The following DNAI7 variants were observed in gnomAD, a reference collection of about 807,000 sequenced individuals.
DNAI7 encodes the protein cancer susceptibility 1.
DNAI7 carries 78 observed loss-of-function variants against 86.6 expected under a neutral mutation model. The observed-to-expected ratio is 0.90, with a 90% CI of 0.75 to 1.09. The LOEUF (loss-of-function observed/expected upper bound fraction) is 1.09. Among genes scored for constraint, DNAI7 ranks in the 50% least tolerant of loss-of-function variants. The pLI is 0.00. For missense variants in DNAI7, 753 were observed against 810.2 expected, an observed-to-expected ratio of 0.93 and a Z score of 0.86; for synonymous variants, 274 against 273.0, an observed-to-expected ratio of 1.00 and a Z score of -0.04.
In DNAI7 at chr12:25,110,258, A is replaced by C. The variant is rs542071523; in HGVS notation, c.1780-18T>G. On this transcript the variant is annotated intron_variant, in intron 14 of 15. Coordinates refer to ENST00000395987, the MANE Select transcript of DNAI7 (RefSeq NM_018272.5). Reference sequence around the variant, plus strand: ...AAAGGAACCTGTCAATATAAAAACAAATAGAATTGATCTTTGAGCCTCCCA... The same window carrying C: ...AAAGGAACCTGTCAATATAAAAACACATAGAATTGATCTTTGAGCCTCCCA... 7.9e-6 allele frequency: 11 copies of C among 1,388,270 alleles called. No homozygotes were observed. The highest frequency in any genetic ancestry group is 1.4e-5 in the African/African-American group (1 of 70,354). 86.0% of individuals were successfully genotyped at this position (1,388,270 alleles called of 1,614,324 possible).
chr12:25,149,806 T>G, intron 6 of DNAI7, 32 bp from the exon 7 acceptor site: 1 of 1,330,690 alleles, frequency 7.5e-7, no homozygotes, highest in Non-Finnish European at 1.1e-6. Context: ...GCATTAATTC[T>G]CAGAGAAATA....
intron 4 of DNAI7, among the ~76,000 whole-genome samples, chr12:25,155,628 G>C (rs1946068507): frequency 6.6e-6 from 1 of 152,120 alleles, no homozygotes; most frequent in Non-Finnish European, 1.5e-5. Context: ...CTAAAACCTG[G>C]GATCTGTGAG....
chr12:25,116,736 C>T (rs563581341), intron 12 of DNAI7, among the ~76,000 whole-genome samples: 42 of 151,744 alleles, frequency 2.8e-4, no homozygotes, highest in African/African-American at 9.7e-4. Context: ...CTCAGGTGTT[C>T]CGCCTGCCTC....
At chr12:25,135,071 G>A (rs12828609) in intron 9 of DNAI7, among the ~76,000 whole-genome samples, 58,713 of 151,948 alleles carry the variant, frequency 0.39, 13,111 homozygotes, top group East Asian at 0.77. Flanking sequence ...GAACACACCA[G>A]GAAAACGGAA....
intron 4 of DNAI7, among the ~76,000 whole-genome samples, chr12:25,156,525 T>C (rs10842494): frequency 0.3 from 45,651 of 151,778 alleles, 7,485 homozygotes; most frequent in Non-Finnish European, 0.36. Flanking sequence ...GAGACAGAGG[T>C]GCATGGATCA....
Position 25,117,938 on chromosome 12 carries a change from C to CTTTT in DNAI7, c.1396+1203_1396+1206dup, listed in dbSNP as rs776942936. Among the ~76,000 whole-genome samples the CTTTT allele has an allele frequency of 1.5e-5, 2 of 135,036 alleles. 1 individual carries two copies. The allele number at this position is 135,036 out of a possible 152,430, so 88.6% of individuals were successfully genotyped here. Reference sequence around the variant, plus strand: ...TAAACTATTTTGATATTTTCTTTTTCTTTTTTTTTTTTTTTTTGAGACGGA... The same window carrying CTTTT: ...TAAACTATTTTGATATTTTCTTTTTCTTTTTTTTTTTTTTTTTTTTTGAGACGGA... On this transcript the variant is annotated intron_variant, in intron 12 of 15. Coordinates refer to ENST00000395987, the MANE Select transcript of DNAI7 (RefSeq NM_018272.5).
chr12:25,169,847 C>CAAAAAAAAA (rs1173396136), intron 2 of DNAI7, among the ~76,000 whole-genome samples: 6 of 66,678 alleles, frequency 9.0e-5, no homozygotes, highest in Admixed American at 1.7e-4. Flanking sequence ...GACTCTGTCT[C>CAAAAAAAAA]AAAAAAAAAA....
intron 8 of DNAI7, among the ~76,000 whole-genome samples, chr12:25,146,216 C>T (rs931426915): frequency 2.7e-5 from 4 of 147,768 alleles, no homozygotes; most frequent in Non-Finnish European, 5.9e-5. Flanking sequence ...GAGCCAAACT[C>T]TGTCTCAAAA....
chr12:25,134,839 T>C (rs1943354874), intron 9 of DNAI7, among the ~76,000 whole-genome samples: 1 of 152,236 alleles, frequency 6.6e-6, no homozygotes. Context: ...CCACTAGCTG[T>C]CTACACTAAT....
rs757236603 is a variant in DNAI7, at chr12:25,161,184, T to A, written c.35A>T (p.Lys12Ile). ...TCGTTCAGCTTTGGTGACTTTCTTT[T>A]TCTTACTGCCAGACTTAACAAAGGC... Reference protein sequence around the residue: ...GPKAKKSGSKKKKVTKAERLK... With the variant: ...GPKAKKSGSKIKKVTKAERLK... Residue 12 changes from lysine (K) to isoleucine (I), a missense_variant, in exon 3 of 16, where the codon AAA (lysine) becomes ATA (isoleucine). Physicochemically the swap from Lys to Ile is moderately radical, Grantham distance 102 (BLOSUM62 -3). Transcript: ENST00000395987. 1 of 1,613,908 alleles carries A rather than the reference T, an allele frequency of 6.2e-7. No homozygotes were observed. The highest frequency in any genetic ancestry group is 2.2e-5 in the East Asian group (1 of 44,828).
intron 2 of DNAI7, among the ~76,000 whole-genome samples, chr12:25,173,492 G>T (rs1442425641): frequency 6.6e-6 from 1 of 152,000 alleles, no homozygotes; most frequent in Non-Finnish European, 1.5e-5. Context: ...AAAACTTCCA[G>T]AAGGCAGGTG....
chr12:25,145,470 T>C (rs1243378964), intron 8 of DNAI7, among the ~76,000 whole-genome samples: 1 of 152,206 alleles, frequency 6.6e-6, no homozygotes, highest in African/African-American at 2.4e-5. Context: ...GAGCTATTCA[T>C]TTTATTTTTA....
At chr12:25,175,637 T>A (rs1948879420) in intron 2 of DNAI7, among the ~76,000 whole-genome samples, 1 of 142,542 alleles carries the variant, frequency 7.0e-6, no homozygotes, top group Admixed American at 6.9e-5. Context: ...CATGAGCCAC[T>A]GCGCCCGGCT....
chr12:25,154,416 GA>G lies in DNAI7; in HGVS notation c.340del (p.Ser114GlnfsTer2). 6.2e-7 allele frequency: 1 copy of G among 1,611,024 alleles called. No individual in the cohort carries two copies. The highest frequency in any genetic ancestry group is 2.2e-5 in the East Asian group (1 of 44,690). On this transcript the variant is annotated frameshift_variant, in exon 6 of 16. Coordinates refer to ENST00000395987, the MANE Select transcript of DNAI7 (RefSeq NM_018272.5). LOFTEE classifies it high-confidence loss of function. ...YIQCDGSPDP[S>X]VAQEMNTFIS... ...AAACGTGTTCATTTCTTGGGCTACT[GA>G]AGGATCAGGACTCCCATCACATTGA...
At chr12:25,133,237 T>C (rs1943145678) in intron 9 of DNAI7, among the ~76,000 whole-genome samples, 1 of 152,080 alleles carries the variant, frequency 6.6e-6, no homozygotes, top group Admixed American at 6.5e-5. Flanking sequence ...GCACCAATTG[T>C]TATATCAAAC....
At chr12:25,147,480 C>CCCCCG in intron 7 of DNAI7, among the ~76,000 whole-genome samples, 1 of 150,474 alleles carries the variant, frequency 6.6e-6, no homozygotes, top group Admixed American at 6.7e-5. Context: ...AATGAGACCA[C>CCCCCG]CCCCATCTCT....
intron 4 of DNAI7, 68 bp downstream of exon 4, chr12:25,158,404 T>C (rs991876501): frequency 7.7e-7 from 1 of 1,291,054 alleles, no homozygotes; most frequent in Non-Finnish European, 1.1e-6. Context: ...GAGAAGGACA[T>C]TAAATGACAA....
chr12:25,184,966 T>TAAAAA (rs35375688), intron 2 of DNAI7, among the ~76,000 whole-genome samples: 3 of 106,484 alleles, frequency 2.8e-5, no homozygotes, highest in African/African-American at 1.0e-4. Context: ...CCCATCTCTA[T>TAAAAA]AAAAAAAAAA....
At chr12:25,134,062 A>C (rs986232409) in intron 9 of DNAI7, among the ~76,000 whole-genome samples, 2 of 152,092 alleles carry the variant, frequency 1.3e-5, no homozygotes, top group African/African-American at 4.8e-5. Context: ...TGGCATGACC[A>C]CTGCTCACTG....
Sources: gnomAD v4.1 joint callset for allele counts (sites outside exome capture counted in the v4.1 genomes callset) on GRCh38, gnomAD v4.1.1 for gene constraint, MANE v1.5 for transcripts, NCBI Gene and HGNC (gene_info 2026-07-23, HGNC 2026-07-21) for gene names.